The following USP32 variants were observed in gnomAD, a reference collection of about 807,000 sequenced individuals.
The protein encoded by USP32 is ubiquitin carboxyl-terminal hydrolase 32.
USP32 carries 59 observed loss-of-function variants against 204.8 expected under a neutral mutation model. The ratio of observed to expected loss-of-function variants is 0.29; its 90% CI spans 0.23 to 0.36. The LOEUF (loss-of-function observed/expected upper bound fraction) is 0.36. Ranked by LOEUF, USP32 falls within the 10% of genes least tolerant of loss-of-function variation. The pLI, the probability that USP32 is intolerant of heterozygous loss-of-function variation, is 1.00. For synonymous variants in USP32, 517 were observed against 678.4 expected, an observed-to-expected ratio of 0.76 and a Z score of 3.70; for missense variants, 1,160 against 1,946.4, an observed-to-expected ratio of 0.60 and a Z score of 7.60.
chr17:60,305,725 T>C (rs2087706621), intron 2 of USP32, among the ~76,000 whole-genome samples: 1 of 152,222 alleles, frequency 6.6e-6, no homozygotes. Flanking sequence ...ATCCAGTCTC[T>C]TCACTTTTGA....
chr17:60,236,043 T>A, intron 12 of USP32, 95 bp downstream of exon 12: 1 of 950,412 alleles, frequency 1.1e-6, no homozygotes, highest in South Asian at 1.4e-5. Flanking sequence ...AGCATTTTAT[T>A]ATTGGCTGGT....
At chr17:60,307,794 C>T (rs1457744549) in intron 2 of USP32, among the ~76,000 whole-genome samples, 1 of 152,102 alleles carries the variant, frequency 6.6e-6, no homozygotes, top group Non-Finnish European at 1.5e-5. Flanking sequence ...CCCTGGCCTG[C>T]CACGCCCCCA....
intron 1 of USP32, among the ~76,000 whole-genome samples, chr17:60,348,117 G>A (rs931460776): frequency 2.0e-5 from 3 of 148,456 alleles, no homozygotes; most frequent in Non-Finnish European, 4.5e-5. Context: ...GCGAGACCCC[G>A]TCTCAAAAAA....
chr17:60,207,303 G>A (rs547438292), intron 24 of USP32, among the ~76,000 whole-genome samples, 171 bp from the exon 25 acceptor site: 9 of 152,198 alleles, frequency 5.9e-5, no homozygotes, highest in East Asian at 1.9e-4. Flanking sequence ...TAAAAATAAC[G>A]GAAAACTAAC....
At chr17:60,249,766 T>G in intron 11 of USP32, 1 of 700,830 alleles carries the variant, frequency 1.4e-6, no homozygotes, top group Non-Finnish European at 2.6e-6. Context: ...GAAATGGTTG[T>G]TTGACAATTT....
chr17:60,213,132 G>A (rs1317796258), intron 18 of USP32, among the ~76,000 whole-genome samples: 3 of 152,192 alleles, frequency 2.0e-5, no homozygotes, highest in Non-Finnish European at 4.4e-5. Context: ...AGTTTTTAAT[G>A]GCATGTGCAT....
chr17:60,284,485 G>T (rs900319846), intron 5 of USP32, among the ~76,000 whole-genome samples: 1 of 151,940 alleles, frequency 6.6e-6, no homozygotes, highest in Non-Finnish European at 1.5e-5. Flanking sequence ...CTCCCAAAGT[G>T]CTGGGATTAC....
chr17:60,214,477 A>C (rs1479661536), intron 17 of USP32, 143 bp downstream of exon 17: 1 of 742,316 alleles, frequency 1.3e-6, no homozygotes, highest in Non-Finnish European at 2.1e-6. Flanking sequence ...AATATGATTT[A>C]ACACTTAATT....
At chr17:60,255,291 T>G in intron 9 of USP32, 33 bp from the exon 10 acceptor site, 2 of 1,510,128 alleles carry the variant, frequency 1.3e-6, no homozygotes, top group East Asian at 2.3e-5. Flanking sequence ...AGGAACATCT[T>G]TTTTTTCTTT....
At chr17:60,393,579 C>T (rs997697901), upstream of USP32, among the ~76,000 whole-genome samples, 3 of 152,048 alleles carry the variant, frequency 2.0e-5, 1 homozygote, top group Non-Finnish European at 4.4e-5. Flanking sequence ...TAGATTGGAC[C>T]CAAGGTGCCG....
intron 2 of USP32, chr17:60,305,332 G>C (rs922160474): frequency 6.6e-6 from 1 of 152,134 alleles, no homozygotes; most frequent in Admixed American, 6.6e-5. Context: ...TGAGAGAGAG[G>C]AGGAAGTACC....
At chr17:60,410,396 C>G (rs1237185585) in intron 1 of USP32, among the ~76,000 whole-genome samples, 2 of 152,190 alleles carry the variant, frequency 1.3e-5, no homozygotes, top group African/African-American at 4.8e-5. Flanking sequence ...TCGGTGGGCG[C>G]GGTGGCTCAT....
intron 27 of USP32, among the ~76,000 whole-genome samples, chr17:60,194,592 T>G (rs2084467357): frequency 6.6e-6 from 1 of 152,206 alleles, no homozygotes; most frequent in Admixed American, 6.5e-5. Context: ...CTGTTATTAT[T>G]CTTGGTGACA....
At chr17:60,338,345 T>C (rs550125330) in intron 2 of USP32, among the ~76,000 whole-genome samples, 4 of 151,136 alleles carry the variant, frequency 2.6e-5, no homozygotes, top group African/African-American at 9.7e-5. Context: ...AAAAAAATAC[T>C]ACATAGAAAT....
intron 2 of USP32, among the ~76,000 whole-genome samples, chr17:60,331,393 C>A (rs898710118): frequency 7.0e-6 from 1 of 142,426 alleles, no homozygotes; most frequent in African/African-American, 2.6e-5. Flanking sequence ...TGGCAAAACC[C>A]TATCTCTACA....
intron 1 of USP32, among the ~76,000 whole-genome samples, chr17:60,405,244 C>T (rs1344880991): frequency 1.3e-5 from 2 of 151,964 alleles, no homozygotes; most frequent in African/African-American, 4.8e-5. Context: ...GCTCTGTCAC[C>T]CAGGCTGGAG....
intron 2 of USP32, among the ~76,000 whole-genome samples, chr17:60,306,075 T>A (rs1014601183): frequency 6.6e-6 from 1 of 151,110 alleles, no homozygotes; most frequent in Non-Finnish European, 1.5e-5. Context: ...TACCCTTTTT[T>A]CACTCAAAAA....
At chr17:60,303,444 G>A (rs1254227996) in intron 2 of USP32, among the ~76,000 whole-genome samples, 1 of 151,898 alleles carries the variant, frequency 6.6e-6, no homozygotes, top group Non-Finnish European at 1.5e-5. Context: ...GAATGTCTTT[G>A]AGGTGTGATA....
chr17:60,236,481 T>A (rs2085728984), intron 11 of USP32, among the ~76,000 whole-genome samples: 1 of 151,270 alleles, frequency 6.6e-6, no homozygotes, highest in Non-Finnish European at 1.5e-5. Flanking sequence ...ACTTAAAAAT[T>A]AAAAAAAATT....
Sources: gnomAD v4.1 joint callset for allele counts (sites outside exome capture counted in the v4.1 genomes callset) on GRCh38, gnomAD v4.1.1 for gene constraint, MANE v1.5 for transcripts, NCBI Gene and HGNC (gene_info 2026-07-23, HGNC 2026-07-21) for gene names.